CIMIP2C: variants seen among roughly 807,000 people sequenced by gnomAD.
CIMIP2C encodes the protein UPF0573 protein C2orf70.
At chr2:26,572,181 A>T in the CIMIP2C span, 1 of 1,259,414 alleles carries the variant, frequency 7.9e-7, no homozygotes, top group South Asian at 1.4e-5. Flanking sequence ...CCCTCCACCC[A>T]CCCCCCAATT....
chr2:26,576,322 G>A, the CIMIP2C span: 4 of 1,038,802 alleles, frequency 3.9e-6, no homozygotes, highest in South Asian at 1.7e-5. Context: ...AGCCAGCAGA[G>A]AGCATGGTGG....
the CIMIP2C span, among the ~76,000 whole-genome samples, chr2:26,565,660 C>T: frequency 6.6e-6 from 1 of 152,096 alleles, no homozygotes; most frequent in African/African-American, 2.4e-5. Context: ...GTTACTTATC[C>T]CCCCTGCCTC....
chr2:26,572,690 G>A, the CIMIP2C span, among the ~76,000 whole-genome samples: 2 of 152,330 alleles, frequency 1.3e-5, no homozygotes, highest in Admixed American at 1.3e-4. Context: ...AGAATGGGGT[G>A]AACACAGCCT....
chr2:26,577,973 G>T, the CIMIP2C span: 1 of 297,626 alleles, frequency 3.4e-6, no homozygotes, highest in Middle Eastern at 1.0e-3. Flanking sequence ...CGTGGGCGCC[G>T]ATGCAGAGCG....
chr2:26,577,859 A>G, the CIMIP2C span: 1 of 492,166 alleles, frequency 2.0e-6, no homozygotes, highest in Non-Finnish European at 3.6e-6. Context: ...TTTCCCGGCC[A>G]GATGCACTGG....
the CIMIP2C span, chr2:26,576,292 T>G: frequency 2.3e-4 from 293 of 1,260,652 alleles, 1 homozygote; most frequent in African/African-American, 3.9e-3. Context: ...GTGTCTTGAT[T>G]TCCTTTCTCA....
chr2:26,577,635 G>T, the CIMIP2C span: 1 of 1,607,760 alleles, frequency 6.2e-7, no homozygotes, highest in Non-Finnish European at 8.5e-7. Context: ...TCCTGTGAGT[G>T]CCTGCCCTCC....
chr2:26,577,598 A>G, the CIMIP2C span: 2 of 1,613,946 alleles, frequency 1.2e-6, no homozygotes, highest in Non-Finnish European at 8.5e-7. Context: ...CCCGTGAGGG[A>G]GCCGGAACGG....
At chr2:26,571,656 C>T in the CIMIP2C span, among the ~76,000 whole-genome samples, 1 of 152,106 alleles carries the variant, frequency 6.6e-6, no homozygotes, top group African/African-American at 2.4e-5. Flanking sequence ...CCACAAATCA[C>T]CCGAAATCCA....
the CIMIP2C span, among the ~76,000 whole-genome samples, chr2:26,567,144 G>C: frequency 2.6e-5 from 4 of 152,154 alleles, no homozygotes; most frequent in African/African-American, 7.2e-5. Flanking sequence ...GCCCACTACT[G>C]CCTGCCCCTG....
chr2:26,563,350 C>T, the CIMIP2C span, among the ~76,000 whole-genome samples: 1 of 152,224 alleles, frequency 6.6e-6, no homozygotes, highest in Admixed American at 6.5e-5. Flanking sequence ...TTACACCTAC[C>T]TTTCTTTACT....
At chr2:26,577,599 G>T in the CIMIP2C span, 5 of 1,613,934 alleles carry the variant, frequency 3.1e-6, no homozygotes, top group African/African-American at 6.7e-5. Context: ...CCGTGAGGGA[G>T]CCGGAACGGT....
At chr2:26,566,434 G>T in the CIMIP2C span, among the ~76,000 whole-genome samples, 3 of 152,230 alleles carry the variant, frequency 2.0e-5, no homozygotes, top group Non-Finnish European at 4.4e-5. Flanking sequence ...ACACACGGTG[G>T]TGTACTGACA....
the CIMIP2C span, chr2:26,576,028 C>A: frequency 3.1e-6 from 5 of 1,614,210 alleles, no homozygotes; most frequent in South Asian, 5.5e-5. Flanking sequence ...TCAGCCAAGG[C>A]GGCCATTTCC....
the CIMIP2C span, chr2:26,579,170 T>C: frequency 8.7e-7 from 1 of 1,144,634 alleles, no homozygotes; most frequent in Non-Finnish European, 1.3e-6. Flanking sequence ...TATCAGGTGT[T>C]AAACTGACGA....
At chr2:26,575,877 C>T in the CIMIP2C span, 2 of 1,605,472 alleles carry the variant, frequency 1.2e-6, no homozygotes, top group African/African-American at 1.3e-5. Context: ...ATCTGTGGCT[C>T]CACCACCCCC....
chr2:26,578,963 C>T, the CIMIP2C span: 8 of 490,472 alleles, frequency 1.6e-5, no homozygotes, highest in South Asian at 1.3e-4. Context: ...CAGAGCTTCA[C>T]ATGCATTACT....
At chr2:26,572,141 A>C in the CIMIP2C span, 112 of 1,544,616 alleles carry the variant, frequency 7.3e-5, no homozygotes, top group African/African-American at 1.4e-3. Context: ...TCTGATTTAA[A>C]GAGATTCTTA....
chr2:26,564,950 A>T, the CIMIP2C span, among the ~76,000 whole-genome samples: 12 of 152,110 alleles, frequency 7.9e-5, no homozygotes, highest in African/African-American at 2.9e-4. Context: ...TGGCAATAAC[A>T]CCATGATCTC....
Sources: allele counts gnomAD v4.1 joint callset (sites outside exome capture counted in the v4.1 genomes callset), GRCh38; gene constraint gnomAD v4.1.1; transcripts MANE v1.5; gene names NCBI Gene and HGNC (gene_info 2026-07-23, HGNC 2026-07-21).